TNN: variants seen among roughly 807,000 people sequenced by gnomAD.
TNN encodes tenascin N.
A neutral mutation model predicts 134.4 loss-of-function variants in TNN; 122 were observed. That is an observed-to-expected ratio of 0.91 (90% CI 0.78 to 1.06). The LOEUF is 1.06. Ranked by LOEUF, TNN falls within the 50% of genes least tolerant of loss-of-function variation. TNN has a pLI of 0.00. For synonymous variants in TNN, 710 were observed against 670.3 expected (o/e 1.06, Z -0.91); for missense variants, 1,739 against 1,699.4 (o/e 1.02, Z -0.41).
chr1:175,146,985 T>C lies in TNN; in HGVS notation c.3814T>C (p.Leu1272=). The change falls in exon 19 of 19, where the codon TTG becomes CTG. Residue 1272 remains leucine (L), a synonymous_variant. Transcript: ENST00000239462. The part of the protein sequence containing the change: ...GHEFSIPYVE[L]KIRPHGYSRE... ...TGAATTCTCCATTCCTTACGTGGAGTTGAAAATCCGCCCTCATGGCTACAG... is the reference window on the plus strand; with the variant it reads ...TGAATTCTCCATTCCTTACGTGGAGCTGAAAATCCGCCCTCATGGCTACAG... 2 of 1,584,598 alleles carry C rather than the reference T, an allele frequency of 1.3e-6. No individual in the cohort carries two copies. The highest frequency in any genetic ancestry group is 1.7e-6 in the Non-Finnish European group (2 of 1,165,754).
chr1:175,137,930 T>G (rs1225845552), intron 17 of TNN, among the ~76,000 whole-genome samples: 1 of 152,026 alleles, frequency 6.6e-6, no homozygotes, highest in Non-Finnish European at 1.5e-5. Context: ...GTGAGAAACA[T>G]AAACAGTTAC....
intron 17 of TNN, among the ~76,000 whole-genome samples, chr1:175,142,166 C>A (rs1415196212): frequency 6.6e-6 from 1 of 152,186 alleles, no homozygotes; most frequent in African/African-American, 2.4e-5. Flanking sequence ...GACAATATAC[C>A]TTTCTTGGAT....
At position 175,108,048 on chromosome 1, in the gene TNN, T is replaced by C. The variant is rs564006550; in HGVS notation, c.2120-8891T>C. Among the ~76,000 whole-genome samples, 1,483 of 151,170 alleles carry C rather than the reference T, an allele frequency of 9.8e-3. 4 individuals carry two copies. Among genetic ancestry groups the C allele is most frequent in the Non-Finnish European group, 0.016 (1,088 of 67,876 alleles). On this transcript the variant is annotated intron_variant, in intron 9 of 18. Transcript: ENST00000239462. Reference sequence around the variant, plus strand: ...AAACAGAGGGTGCTGATTGGTGTATTTACAAACCTTGAGCTAGATACAGAG... The same window carrying C: ...AAACAGAGGGTGCTGATTGGTGTATCTACAAACCTTGAGCTAGATACAGAG...
At chr1:175,121,301 C>G (rs6691395) in intron 11 of TNN, among the ~76,000 whole-genome samples, 135,653 of 152,224 alleles carry the variant, frequency 0.89, 60,667 homozygotes, top group African/African-American at 0.94. Context: ...TTCTGGCAAA[C>G]GGAAGAGTAT....
chr1:175,117,992 A>G (rs756991402), intron 10 of TNN, among the ~76,000 whole-genome samples: 2 of 152,246 alleles, frequency 1.3e-5, no homozygotes, highest in Non-Finnish European at 2.9e-5. Flanking sequence ...ATATTCAACC[A>G]GGGTTTTACT....
Position 175,099,964 on chromosome 1 carries a change from A to G in TNN, c.2119+1369A>G, listed in dbSNP as rs75808035. Reference sequence around the variant, plus strand: ...GCCCCTCTAGGTGGTCCTCTTGGACAGCTTCCCAGGCCTACCTTGCTGTGC... The same window carrying G: ...GCCCCTCTAGGTGGTCCTCTTGGACGGCTTCCCAGGCCTACCTTGCTGTGC... On this transcript the variant is annotated intron_variant, in intron 9 of 18. Coordinates refer to ENST00000239462, the MANE Select transcript of TNN (RefSeq NM_022093.2). Among the ~76,000 whole-genome samples, 1,304 of 152,156 alleles carry G rather than the reference A, an allele frequency of 8.6e-3. 17 individuals carry two copies. Among genetic ancestry groups the G allele is most frequent in the African/African-American group, 0.029 (1,205 of 41,510 alleles).
Position 175,136,887 on chromosome 1 carries a change from A to G in TNN, c.3494A>G (p.Gln1165Arg). 6.2e-7 allele frequency: 1 copy of G among 1,614,238 alleles called. No homozygotes were observed. Among genetic ancestry groups the G allele is most frequent in the African/African-American group, 1.3e-5 (1 of 75,064 alleles). ...PARYEVRVDL[Q>R]TANESAYAIY... is the part of the protein sequence containing the mutation. ...CGGTATGAGGTGAGAGTGGATTTAC[A>G]GACTGCCAATGAATCTGCCTATGCT... Residue 1165 changes from glutamine (Q) to arginine (R), a missense_variant, in exon 17 of 19, where the codon CAG (glutamine) becomes CGG (arginine). Transcript: ENST00000239462.
At chr1:175,099,347 G>A (rs539359323) in intron 9 of TNN, among the ~76,000 whole-genome samples, 1 of 152,244 alleles carries the variant, frequency 6.6e-6, no homozygotes, top group African/African-American at 2.4e-5. Context: ...ACGGGCAGAA[G>A]TGAAGGGTCA....
intron 15 of TNN, among the ~76,000 whole-genome samples, chr1:175,134,135 G>A (rs1033462752): frequency 7.2e-5 from 11 of 152,168 alleles, no homozygotes; most frequent in African/African-American, 2.7e-4. Flanking sequence ...AATAAGTCTA[G>A]CATAGACCTC....
At chr1:175,120,429 G>A (rs541273796) in intron 11 of TNN, among the ~76,000 whole-genome samples, 1 of 152,190 alleles carries the variant, frequency 6.6e-6, no homozygotes, top group Non-Finnish European at 1.5e-5. Context: ...AGTTGCATCA[G>A]CAGGAATGGA....
At chr1:175,088,897 C>T (rs778926885) in intron 6 of TNN, among the ~76,000 whole-genome samples, 19 of 152,160 alleles carry the variant, frequency 1.2e-4, no homozygotes, top group Non-Finnish European at 2.5e-4. Context: ...CTTCTATGAC[C>T]GCATTAAATG....
intron 1 of TNN, among the ~76,000 whole-genome samples, chr1:175,073,394 C>A (rs899688791): frequency 3.9e-5 from 6 of 152,152 alleles, no homozygotes; most frequent in Admixed American, 6.5e-5. Context: ...CCTTCCAACT[C>A]ATTTTCCTGG....
intron 12 of TNN, among the ~76,000 whole-genome samples, chr1:175,124,622 A>T (rs1290258076): frequency 6.6e-6 from 1 of 152,198 alleles, no homozygotes; most frequent in South Asian, 2.1e-4. Flanking sequence ...AGGAGGTTGC[A>T]GTGAGCCAAG....
Position 175,094,233 on chromosome 1 carries a change from C to T in TNN, c.1568C>T (p.Ala523Val), listed in dbSNP as rs1254619701. The T allele has an allele frequency of 6.2e-7, 1 of 1,608,212 alleles. No homozygotes were observed. Among genetic ancestry groups the T allele is most frequent in the South Asian group, 1.1e-5 (1 of 90,314 alleles). The change falls in exon 7 of 19, where the codon GCT becomes GTT. Residue 523 changes from alanine to valine, a missense_variant. Ala to Val is a moderately conservative substitution (Grantham distance 64, BLOSUM62 0). Coordinates refer to ENST00000239462, the MANE Select transcript of TNN (RefSeq NM_022093.2). ...AERGNQGSKK[A>V]DTNALTEIDS... ...AGGGGCAACCAGGGGAGCAAGAAAG[C>T]TGACACCAATGCCCTCACAGGTAAC...
At chr1:175,096,001 G>T (rs1293782496) in intron 7 of TNN, among the ~76,000 whole-genome samples, 1 of 152,254 alleles carries the variant, frequency 6.6e-6, no homozygotes, top group Non-Finnish European at 1.5e-5. Flanking sequence ...CCAGAGCTGA[G>T]CTCTGGGGGC....
intron 3 of TNN, 110 bp from the exon 4 acceptor site, chr1:175,080,053 C>T (rs1222646569): frequency 6.9e-6 from 10 of 1,448,904 alleles, no homozygotes; most frequent in African/African-American, 1.4e-5. Flanking sequence ...TGGCGCCTTA[C>T]ACAGGTCTGC....
Position 175,086,572 on chromosome 1 carries a change from G to A in TNN, c.1324+1078G>A, listed in dbSNP as rs145664165. ...AGGAGTCTTTGAGTTTTGAGTCTTC[G>A]TTGAAAAGTTTTTTAGTTCTTTCCA... On this transcript the variant is annotated intron_variant, in intron 6 of 18. Transcript: ENST00000239462. Among the ~76,000 whole-genome samples the A allele has an allele frequency of 3.3e-5, 5 of 152,272 alleles. No individual in the cohort carries two copies. In the East Asian group the frequency reaches 5.8e-4, roughly 18 times the overall value.
rs1331262668 is a variant in TNN at position 175,101,637 on chromosome 1, G to A, written c.2119+3042G>A. On this transcript the variant is annotated intron_variant, in intron 9 of 18. Coordinates refer to ENST00000239462, the MANE Select transcript of TNN (RefSeq NM_022093.2). ...TGAGCTAGATACAAAGGTTCTCCAC[G>A]TCCCCATCAGATTAGTTAGATACAG... 8.1e-5 allele frequency among the ~76,000 whole-genome samples: 12 copies of A among 148,780 alleles called. No individual in the cohort carries two copies. In the East Asian group the frequency reaches 1.7e-3, roughly 21 times the overall value.
At chr1:175,084,419 A>G (rs1028214525) in intron 5 of TNN, among the ~76,000 whole-genome samples, 2 of 152,156 alleles carry the variant, frequency 1.3e-5, no homozygotes, top group Non-Finnish European at 2.9e-5. Flanking sequence ...TCTGTCTCTG[A>G]TTTCTGAGCT....
Sources: gnomAD v4.1 joint callset for allele counts (sites outside exome capture counted in the v4.1 genomes callset) on GRCh38, gnomAD v4.1.1 for gene constraint, MANE v1.5 for transcripts, NCBI Gene and HGNC (gene_info 2026-07-23, HGNC 2026-07-21) for gene names.